Variants in COG3 observed in about 807,000 individuals in gnomAD.
COG3 encodes component of oligomeric golgi complex 3.
COG3 carries 32 observed loss-of-function variants against 114.1 expected under a neutral mutation model. That is an observed-to-expected ratio of 0.28 (90% CI 0.21 to 0.38). The LOEUF (loss-of-function observed/expected upper bound fraction) is 0.38. Ranked by LOEUF, COG3 falls within the 10% of genes least tolerant of loss-of-function variation. COG3 has a pLI of 1.00. For synonymous variants in COG3, 352 were observed against 365.7 expected (o/e 0.96, Z 0.43); for missense variants, 813 against 973.2 (o/e 0.84, Z 2.19).
chr13:45,520,059 G>A (rs1051873811), intron 19 of COG3, among the ~76,000 whole-genome samples: 5 of 152,090 alleles, frequency 3.3e-5, no homozygotes, highest in Non-Finnish European at 7.4e-5. Context: ...CAGGAGGATC[G>A]CTCGAGCCCC....
chr13:45,483,897 G>A (rs1029630698), intron 7 of COG3, among the ~76,000 whole-genome samples: 2 of 151,998 alleles, frequency 1.3e-5, no homozygotes, highest in Admixed American at 1.3e-4. Context: ...ACAAAGAGGC[G>A]CTAATAAGGT....
rs1411735109 is a variant in COG3 at position 45,519,111 on chromosome 13, C to T, written c.2154+17C>T. ...ATGACAAAGGTATAGACCTTGGTGC[C>T]TATGTGGTAAAGTCATTTTGCATTC... On this transcript the variant is annotated intron_variant, in intron 19 of 22. Coordinates refer to ENST00000349995, the MANE Select transcript of COG3 (RefSeq NM_031431.4). 1 of 1,611,478 alleles carries T rather than the reference C, an allele frequency of 6.2e-7. No individual in the cohort carries two copies. The highest frequency in any genetic ancestry group is 8.5e-7 in the Non-Finnish European group (1 of 1,179,354).
chr13:45,525,289 T>C (rs1216448341), intron 20 of COG3, among the ~76,000 whole-genome samples: 1 of 151,964 alleles, frequency 6.6e-6, no homozygotes, highest in East Asian at 1.9e-4. Context: ...CAGTTAAAAA[T>C]AAAATATGGC....
intron 15 of COG3, among the ~76,000 whole-genome samples, chr13:45,510,837 G>A (rs1282551671): frequency 6.6e-6 from 1 of 152,242 alleles, no homozygotes; most frequent in East Asian, 1.9e-4. Context: ...CTTGGTCTAA[G>A]CTGCTCATCT....
intron 12 of COG3, among the ~76,000 whole-genome samples, chr13:45,495,348 A>G (rs1454898441): frequency 6.6e-6 from 1 of 151,744 alleles, no homozygotes; most frequent in Non-Finnish European, 1.5e-5. Context: ...CAGGATTACT[A>G]GTGTGTCTTA....
intron 13 of COG3, among the ~76,000 whole-genome samples, chr13:45,497,308 T>C (rs1304103574): frequency 6.6e-6 from 1 of 152,170 alleles, no homozygotes; most frequent in Non-Finnish European, 1.5e-5. Flanking sequence ...GCCTAAGATA[T>C]TAGTGCTGAA....
At chr13:45,509,950 G>A (rs1243148157) in intron 15 of COG3, 134 bp downstream of exon 15, 1 of 923,544 alleles carries the variant, frequency 1.1e-6, no homozygotes, top group Admixed American at 2.7e-5. Flanking sequence ...GTAACTTGAG[G>A]TCAAGCTAAT....
chr13:45,509,767 C>T lies in COG3; in HGVS notation c.1670C>T (p.Thr557Met), dbSNP rs750948239. The T allele has an allele frequency of 4.3e-6, 7 of 1,613,650 alleles. No individual in the cohort carries two copies. The highest frequency in any genetic ancestry group is 1.7e-5 in the Admixed American group (1 of 60,006). ...PADLHGMWYP[T>M]VRRTLVCLSK... is the part of the protein sequence containing the mutation. ...GATCTTCATGGAATGTGGTATCCTA[C>T]GGTTCGAAGAACTCTTGTCTGTCTC... The change falls in exon 15 of 23, where the codon ACG becomes ATG. Residue 557 changes from threonine to methionine, a missense_variant. This residue lies in a region of COG3 where 389 missense variants were observed against 542.6 expected (regional missense o/e 0.72). Coordinates refer to ENST00000349995, the MANE Select transcript of COG3 (RefSeq NM_031431.4).
chr13:45,510,353 T>C (rs1178436562), intron 15 of COG3, among the ~76,000 whole-genome samples: 1 of 152,222 alleles, frequency 6.6e-6, no homozygotes, highest in African/African-American at 2.4e-5. Context: ...TTTGCCCAGT[T>C]CTGGGACTCT....
intron 1 of COG3, among the ~76,000 whole-genome samples, chr13:45,472,200 C>T (rs1010005392): frequency 1.3e-5 from 2 of 152,026 alleles, no homozygotes; most frequent in African/African-American, 2.4e-5. Flanking sequence ...TAATTTTTAC[C>T]TTTATTTCTC....
chr13:45,488,155 G>A (rs12583730), intron 8 of COG3, among the ~76,000 whole-genome samples: 42,560 of 151,970 alleles, frequency 0.28, 7,707 homozygotes, highest in African/African-American at 0.52. Context: ...GTTTTCACTC[G>A]TATGTGGGAA....
At position 45,534,716 on chromosome 13, in the gene COG3, G is replaced by C. The variant is rs143508208; in HGVS notation, c.2472G>C (p.Leu824=). Residue 824 remains leucine (L), a synonymous_variant, in exon 23 of 23, where the codon CTG becomes CTC. Transcript: ENST00000349995. ...CPSMEQLSLL[L]LVSK The stretch of plus-strand genomic sequence containing the variant: ...TTGCTTTTCAGCTGAGCCTTCTGCT[G>C]TTGGTTTCTAAATAAGCAGGCCAGC... 2.6e-6 allele frequency: 4 copies of C among 1,566,880 alleles called. No homozygotes were observed. Among genetic ancestry groups the C allele is most frequent in the African/African-American group, 1.4e-5 (1 of 73,982 alleles).
At chr13:45,518,250 A>G (rs1178881265) in intron 17 of COG3, among the ~76,000 whole-genome samples, 1 of 152,208 alleles carries the variant, frequency 6.6e-6, no homozygotes, top group African/African-American at 2.4e-5. Context: ...ATTATATTGT[A>G]TTGCATTTGA....
intron 1 of COG3, among the ~76,000 whole-genome samples, chr13:45,475,362 A>G (rs534200955): frequency 2.8e-4 from 42 of 151,368 alleles, no homozygotes; most frequent in Non-Finnish European, 4.6e-4. Context: ...ACACCCAGCT[A>G]ATTTTTTTTT....
At chr13:45,467,807 T>C (rs1885241805) in intron 1 of COG3, among the ~76,000 whole-genome samples, 1 of 152,204 alleles carries the variant, frequency 6.6e-6, no homozygotes, top group Admixed American at 6.5e-5. Context: ...TTTTGTCCAA[T>C]CAGTATAACT....
intron 4 of COG3, 132 bp from the exon 5 acceptor site, chr13:45,481,098 A>T: frequency 1.6e-6 from 1 of 642,364 alleles, no homozygotes; most frequent in Non-Finnish European, 2.8e-6. Context: ...TTGTAGAAAT[A>T]CTTGAGCTGA....
intron 19 of COG3, among the ~76,000 whole-genome samples, chr13:45,520,158 G>A (rs759067509): frequency 2.8e-4 from 42 of 151,906 alleles, no homozygotes; most frequent in East Asian, 7.7e-4. Flanking sequence ...GTGTAGTGGC[G>A]TGTGCCTATA....
chr13:45,504,606 G>A (rs1869916058), intron 14 of COG3, among the ~76,000 whole-genome samples: 1 of 152,142 alleles, frequency 6.6e-6, no homozygotes, highest in Admixed American at 6.5e-5. Flanking sequence ...GAACCAGGGT[G>A]GTGTTGGGGG....
chr13:45,531,606 C>T (rs2137934237), intron 22 of COG3, among the ~76,000 whole-genome samples: 1 of 151,880 alleles, frequency 6.6e-6, no homozygotes, highest in African/African-American at 2.4e-5. Context: ...CTCCCAGGTT[C>T]ATGCAATTCT....
Sources: allele counts gnomAD v4.1 joint callset (sites outside exome capture counted in the v4.1 genomes callset), GRCh38; gene constraint gnomAD v4.1.1; regional missense constraint gnomAD v4.1.1; transcripts MANE v1.5; gene names NCBI Gene and HGNC (gene_info 2026-07-23, HGNC 2026-07-21).